ZCCHC7: variants seen among roughly 807,000 people sequenced by gnomAD.
The protein encoded by ZCCHC7 is zinc finger CCHC domain-containing protein 7.
Under a neutral mutation model 52.0 loss-of-function variants are expected in ZCCHC7, and 35 were observed. The ratio of observed to expected loss-of-function variants is 0.67; its 90% CI spans 0.51 to 0.89. The LOEUF (loss-of-function observed/expected upper bound fraction) is 0.89, where lower values mean the gene tolerates loss of function less well. Among genes scored for constraint, ZCCHC7 ranks in the 40% least tolerant of loss-of-function variants. The pLI is 0.00. For missense variants in ZCCHC7, 574 were observed against 649.1 expected (o/e 0.88, Z 1.26); for synonymous variants, 217 against 221.5 (o/e 0.98, Z 0.18).
At chr9:37,341,018 A>G (rs1820601636) in intron 6 of ZCCHC7, among the ~76,000 whole-genome samples, 2 of 152,238 alleles carry the variant, frequency 1.3e-5, no homozygotes, top group South Asian at 4.1e-4. Context: ...CCACATGTTT[A>G]CATTTCTTTC....
intron 2 of ZCCHC7, among the ~76,000 whole-genome samples, chr9:37,251,661 A>C (rs1826334951): frequency 6.6e-6 from 1 of 152,222 alleles, no homozygotes; most frequent in Non-Finnish European, 1.5e-5. Context: ...GGTGGTGTTC[A>C]GAGTGACGGG....
chr9:37,320,824 C>T (rs1830018291), intron 5 of ZCCHC7, among the ~76,000 whole-genome samples: 1 of 152,064 alleles, frequency 6.6e-6, no homozygotes, highest in Non-Finnish European at 1.5e-5. Flanking sequence ...AAGAGCATTC[C>T]ATGAGATTTA....
chr9:37,243,702 G>T (rs1564199057), intron 2 of ZCCHC7, among the ~76,000 whole-genome samples: 1 of 151,802 alleles, frequency 6.6e-6, no homozygotes. Flanking sequence ...TTGCAGACAT[G>T]GTTGATTTGA....
rs879032318 is a variant in ZCCHC7, at chr9:37,231,548, A to T, written c.611-70640A>T. On this transcript the variant is annotated intron_variant, in intron 2 of 8. Transcript: ENST00000336755. Reference sequence around the variant, plus strand: ...TAAGCCACCTTCCTGAAAATTATACATAGTATTTAAAAAATTTATAACTCA... The same window carrying T: ...TAAGCCACCTTCCTGAAAATTATACTTAGTATTTAAAAAATTTATAACTCA... Among the ~76,000 whole-genome samples, 6 of 152,232 alleles carry T rather than the reference A, an allele frequency of 3.9e-5. 1 individual carries two copies. Among genetic ancestry groups the T allele is most frequent in the Admixed American group, 3.9e-4 (6 of 15,286 alleles).
At chr9:37,187,596 A>G (rs1239574109) in intron 2 of ZCCHC7, among the ~76,000 whole-genome samples, 1 of 152,168 alleles carries the variant, frequency 6.6e-6, no homozygotes, top group African/African-American at 2.4e-5. Flanking sequence ...GCTGTTTGAT[A>G]TTATTGTTTC....
chr9:37,148,910 C>G (rs1399650307), intron 2 of ZCCHC7, among the ~76,000 whole-genome samples: 1 of 152,026 alleles, frequency 6.6e-6, no homozygotes. Flanking sequence ...TCAGTTACCA[C>G]TATTTAGGAG....
intron 2 of ZCCHC7, among the ~76,000 whole-genome samples, chr9:37,230,923 G>A (rs1021669036): frequency 4.0e-5 from 6 of 151,850 alleles, no homozygotes; most frequent in Non-Finnish European, 5.9e-5. Flanking sequence ...GTCCTTTTGG[G>A]TTTTTTTGTT....
chr9:37,193,314 G>A (rs946575783), intron 2 of ZCCHC7, among the ~76,000 whole-genome samples: 5 of 151,810 alleles, frequency 3.3e-5, no homozygotes, highest in African/African-American at 1.2e-4. Context: ...AATTTCTGAC[G>A]GTTATTAGTA....
At chr9:37,258,278 A>G (rs958955283) in intron 2 of ZCCHC7, among the ~76,000 whole-genome samples, 3 of 152,168 alleles carry the variant, frequency 2.0e-5, no homozygotes, top group African/African-American at 7.2e-5. Context: ...GACAAGGATC[A>G]AATGAGTTGC....
At chr9:37,130,566 C>A (rs1405089758) in intron 2 of ZCCHC7, among the ~76,000 whole-genome samples, 2 of 150,242 alleles carry the variant, frequency 1.3e-5, no homozygotes, top group South Asian at 4.2e-4. Flanking sequence ...GATCTCGGCT[C>A]ACTGCAAGCT....
At chr9:37,229,433 C>T (rs948384693) in intron 2 of ZCCHC7, among the ~76,000 whole-genome samples, 2 of 152,052 alleles carry the variant, frequency 1.3e-5, no homozygotes, top group African/African-American at 4.8e-5. Flanking sequence ...ATGGCATAGC[C>T]TCATGCACAC....
chr9:37,249,775 A>T (rs1203465415), intron 2 of ZCCHC7, among the ~76,000 whole-genome samples: 1 of 152,008 alleles, frequency 6.6e-6, no homozygotes, highest in Non-Finnish European at 1.5e-5. Flanking sequence ...AAAGTGTTCA[A>T]CACTCTTATC....
rs182774169 is a variant in ZCCHC7, at chr9:37,228,866, C to T, written c.611-73322C>T. Among the ~76,000 whole-genome samples, 9 of 143,300 alleles carry T rather than the reference C, an allele frequency of 6.3e-5. No homozygotes were observed. The East Asian group carries it at 1.9e-3, about 29-fold the overall frequency. The allele number at this position is 143,300 out of a possible 152,430, so 94.0% of individuals were successfully genotyped here. ...TTTTTTTTTTTTTGAGACAGAGTCT[C>T]ACTCTGTCGCCTGGGCTAAAGTGCA... On this transcript the variant is annotated intron_variant, in intron 2 of 8. Coordinates refer to ENST00000336755, the MANE Select transcript of ZCCHC7 (RefSeq NM_032226.3).
At chr9:37,205,672 A>T (rs1823867087) in intron 2 of ZCCHC7, among the ~76,000 whole-genome samples, 1 of 151,108 alleles carries the variant, frequency 6.6e-6, no homozygotes, top group Non-Finnish European at 1.5e-5. Flanking sequence ...ACATGCGACC[A>T]CACCTGGTTA....
In ZCCHC7 at chr9:37,126,377, T is replaced by C. The variant is rs1412594102; in HGVS notation, c.45T>C (p.Asp15=). 6.2e-7 allele frequency: 1 copy of C among 1,613,956 alleles called. No homozygotes were observed. The highest frequency in any genetic ancestry group is 8.5e-7 in the Non-Finnish European group (1 of 1,180,008). ...GYETIEAYED[D]LYRDESSSEL... ...AGACTATAGAAGCATACGAAGATGA[T>C]CTTTATCGAGATGAGTCATCTAGTG... The change falls in exon 2 of 9, where the codon GAT becomes GAC. Residue 15 remains aspartate, a synonymous_variant. Transcript: ENST00000336755.
chr9:37,138,451 A>G (rs1410870109), intron 2 of ZCCHC7, among the ~76,000 whole-genome samples: 2 of 152,174 alleles, frequency 1.3e-5, no homozygotes, highest in African/African-American at 4.8e-5. Flanking sequence ...AGTCTTCCAA[A>G]GTTAATTTAT....
At chr9:37,163,060 G>C (rs1024575125) in intron 2 of ZCCHC7, among the ~76,000 whole-genome samples, 1 of 152,068 alleles carries the variant, frequency 6.6e-6, no homozygotes. Flanking sequence ...AATTAGCCAG[G>C]CATGGTAGTG....
chr9:37,128,877 G>A (rs1455765904), intron 2 of ZCCHC7, among the ~76,000 whole-genome samples: 2 of 152,144 alleles, frequency 1.3e-5, no homozygotes, highest in Non-Finnish European at 2.9e-5. Context: ...CTTGGGTTAG[G>A]CGTAACACTA....
At chr9:37,137,309 A>G (rs1393545954) in intron 2 of ZCCHC7, among the ~76,000 whole-genome samples, 4 of 152,214 alleles carry the variant, frequency 2.6e-5, no homozygotes, top group Admixed American at 6.5e-5. Context: ...GACTGAATTG[A>G]AAAGGAACCC....
Sources: allele counts gnomAD v4.1 joint callset (sites outside exome capture counted in the v4.1 genomes callset), GRCh38; gene constraint gnomAD v4.1.1; transcripts MANE v1.5; gene names NCBI Gene and HGNC (gene_info 2026-07-23, HGNC 2026-07-21).